The following TMEM44 variants were observed in gnomAD, a reference collection of about 807,000 sequenced individuals.
The protein encoded by TMEM44 is transmembrane protein 44.
A neutral mutation model predicts 47.8 loss-of-function variants in TMEM44; 43 were observed. The ratio of observed to expected loss-of-function variants is 0.90; its 90% CI spans 0.70 to 1.16. The LOEUF (loss-of-function observed/expected upper bound fraction) is 1.16, where lower values mean the gene tolerates loss of function less well. TMEM44 is among the 50% of genes most tolerant of loss of function. TMEM44 has a pLI of 0.00. For missense variants in TMEM44, 568 were observed against 555.2 expected (o/e 1.02, Z -0.23); for synonymous variants, 277 against 238.8 (o/e 1.16, Z -1.48).
chr3:194,621,578 G>C (rs1716538703), intron 5 of TMEM44, among the ~76,000 whole-genome samples: 1 of 152,144 alleles, frequency 6.6e-6, no homozygotes, highest in Non-Finnish European at 1.5e-5. Context: ...TGCTGATGAG[G>C]CCCAGGCCCT....
Position 194,623,226 on chromosome 3 carries a change from T to TTG in TMEM44, c.609_610insCA (p.Ile204GlnfsTer48), listed in dbSNP as rs1716759655. On this transcript the variant is annotated frameshift_variant, in exon 5 of 10. Transcript: ENST00000347147. LOFTEE classifies it high-confidence loss of function. ...CCCATCCCCACCCCCGGCCTCACAA[T>TTG]TCTGGAGAGAGGGGGGATCCGAGAA... 2 of 1,607,116 alleles carry TTG rather than the reference T, an allele frequency of 1.2e-6. No homozygotes were observed. Among genetic ancestry groups the TTG allele is most frequent in the South Asian group, 2.2e-5 (2 of 89,718 alleles).
At position 194,602,578 on chromosome 3, in the gene TMEM44, G is replaced by A. The variant is rs186864225; in HGVS notation, c.1176+1709C>T. ...GATCGCGTCACTGCACTCCAGCCTG[G>A]GTGACAGAGCGAGAACTCCTTCTCA... is the stretch of plus-strand genomic sequence containing the variant. On this transcript the variant is annotated intron_variant, in intron 9 of 9. Transcript: ENST00000347147. 5.9e-3 allele frequency among the ~76,000 whole-genome samples: 891 copies of A among 150,794 alleles called. 31 individuals are homozygous for A. The highest frequency in any genetic ancestry group is 0.051 in the Admixed American group (772 of 15,142).
chr3:194,632,949 T>G, intron 1 of TMEM44, 130 bp downstream of exon 1: 5 of 1,286,344 alleles, frequency 3.9e-6, no homozygotes, highest in East Asian at 2.9e-5. Flanking sequence ...CAATGTTCCA[T>G]TGGATCCTAT....
At chr3:194,610,448 T>C (rs902002590) in intron 8 of TMEM44, among the ~76,000 whole-genome samples, 1 of 152,104 alleles carries the variant, frequency 6.6e-6, no homozygotes, top group African/African-American at 2.4e-5. Flanking sequence ...TTCCCTTTCA[T>C]AAAGGAAATT....
chr3:194,628,428 CAG>C lies in TMEM44; in HGVS notation c.217_218del (p.Leu73ValfsTer2). On this transcript the variant is annotated frameshift_variant, in exon 2 of 10. Transcript: ENST00000347147. LOFTEE classifies it high-confidence loss of function. ...CCAGAAGAGCCCCGACGGTGTCACA[CAG>C]ACTGGTCAGGAGGCAGCACGCAGCA... ...LCAACCLLTS[L>X]CDTVGALLAR... The C allele has an allele frequency of 6.2e-7, 1 of 1,613,154 alleles. No individual in the cohort carries two copies. Among genetic ancestry groups the C allele is most frequent in the South Asian group, 1.1e-5 (1 of 90,828 alleles).
chr3:194,595,131 T>G lies in TMEM44; in HGVS notation c.1177-6492A>C, dbSNP rs184380243. ...CTTAGAAGAAGGCCTCTACAAAGATTAAATATGCCTCTGAAACATGTATGT... is the reference window on the plus strand; with the variant it reads ...CTTAGAAGAAGGCCTCTACAAAGATGAAATATGCCTCTGAAACATGTATGT... On this transcript the variant is annotated intron_variant, in intron 9 of 9. Coordinates refer to ENST00000347147, the MANE Select transcript of TMEM44 (RefSeq NM_001011655.3). Among the ~76,000 whole-genome samples, 396 of 152,298 alleles carry G rather than the reference T, an allele frequency of 2.6e-3. 2 individuals are homozygous for G. Among genetic ancestry groups the G allele is most frequent in the Non-Finnish European group, 3.4e-3 (229 of 68,020 alleles).
chr3:194,610,960 C>G lies in TMEM44; in HGVS notation c.973G>C (p.Ala325Pro), dbSNP rs1466196743. 6.2e-7 allele frequency: 1 copy of G among 1,613,936 alleles called. No homozygotes were observed. Among genetic ancestry groups the G allele is most frequent in the Non-Finnish European group, 8.5e-7 (1 of 1,180,010 alleles). Residue 325 changes from alanine (A) to proline (P), a missense_variant, in exon 8 of 10, where the codon GCA (alanine) becomes CCA (proline). Coordinates refer to ENST00000347147, the MANE Select transcript of TMEM44 (RefSeq NM_001011655.3). The part of the protein sequence containing the change: ...SHCKSLRTMT[A>P]ISRYMELTIE... ...GTCAGCTCCATGTAGCGACTGATTG[C>G]TGTCATTGTCCTCAGTGACTTGCAG...
intron 9 of TMEM44, among the ~76,000 whole-genome samples, chr3:194,603,777 T>C (rs1312166878): frequency 6.6e-6 from 1 of 152,184 alleles, no homozygotes; most frequent in Non-Finnish European, 1.5e-5. Flanking sequence ...CAATATGCAG[T>C]GTCCCTGCGA....
intron 1 of TMEM44, among the ~76,000 whole-genome samples, chr3:194,632,359 GTCCTT>G (rs753826907): frequency 4.8e-4 from 73 of 152,186 alleles, no homozygotes; most frequent in Non-Finnish European, 9.7e-4. Context: ...AGGGGTGCTG[GTCCTT>G]TCTCCCCTGC....
chr3:194,615,175 G>A (rs1715742290), intron 7 of TMEM44, among the ~76,000 whole-genome samples: 1 of 152,092 alleles, frequency 6.6e-6, no homozygotes. Context: ...CTGGGAGGCG[G>A]AGGTTGCAGT....
At chr3:194,618,657 T>G (rs567668009) in intron 5 of TMEM44, among the ~76,000 whole-genome samples, 1 of 151,384 alleles carries the variant, frequency 6.6e-6, no homozygotes, top group African/African-American at 2.4e-5. Context: ...ACTCATTAGA[T>G]GACTCATTAA....
At chr3:194,620,078 G>A (rs1246162818) in intron 5 of TMEM44, among the ~76,000 whole-genome samples, 2 of 152,082 alleles carry the variant, frequency 1.3e-5, no homozygotes, top group Non-Finnish European at 2.9e-5. Context: ...ATCACCGAAT[G>A]TCAGGAGTTC....
Position 194,615,656 on chromosome 3 carries a change from C to T in TMEM44, c.825G>A (p.Gln275=). Residue 275 remains glutamine, a synonymous_variant, in exon 7 of 10, where the codon CAG becomes CAA. Coordinates refer to ENST00000347147, the MANE Select transcript of TMEM44 (RefSeq NM_001011655.3). ...LSCVMKSKMR[Q]ALGFAKEARE... ...TGGCTTCCTTGGCAAATCCTAAGGC[C>T]TGTCTCATCTTGCTCTTCATCACAC... 1 of 1,614,116 alleles carries T rather than the reference C, an allele frequency of 6.2e-7. No homozygotes were observed. The highest frequency in any genetic ancestry group is 1.1e-5 in the South Asian group (1 of 91,090).
Position 194,623,212 on chromosome 3 carries a change from C to A in TMEM44, c.612+12G>T. ...ATGTGACCCACAGTCCCATCCCCAC[C>A]CCCGGCCTCACAATTCTGGAGAGAG... is the stretch of plus-strand genomic sequence containing the variant. On this transcript the variant is annotated intron_variant, in intron 5 of 9. Transcript: ENST00000347147. 1 of 1,599,616 alleles carries A rather than the reference C, an allele frequency of 6.3e-7. No homozygotes were observed. The highest frequency in any genetic ancestry group is 8.5e-7 in the Non-Finnish European group (1 of 1,172,680).
chr3:194,622,982 G>T, intron 5 of TMEM44: 2 of 435,572 alleles, frequency 4.6e-6, no homozygotes, highest in South Asian at 6.1e-5. Context: ...AAATGGGGAA[G>T]AACACACGGG....
chr3:194,630,682 C>T (rs1348547458), intron 1 of TMEM44, among the ~76,000 whole-genome samples: 2 of 137,072 alleles, frequency 1.5e-5, no homozygotes, highest in East Asian at 2.2e-4. Context: ...CTGTTTCCAT[C>T]GGCGTCACTG....
At chr3:194,608,615 G>A (rs1715002110) in intron 8 of TMEM44, among the ~76,000 whole-genome samples, 1 of 152,200 alleles carries the variant, frequency 6.6e-6, no homozygotes, top group South Asian at 2.1e-4. Context: ...CATTTACGTT[G>A]AAGCTGGAAA....
intron 4 of TMEM44, 87 bp from the exon 5 acceptor site, chr3:194,623,397 T>C (rs1716790827): frequency 6.6e-7 from 1 of 1,514,388 alleles, no homozygotes; most frequent in Non-Finnish European, 8.9e-7. Context: ...CAGGAGTCCT[T>C]TTCTGCTTTT....
Position 194,623,657 on chromosome 3 carries a change from T to C in TMEM44, c.397A>G (p.Arg133Gly). 1 of 1,613,264 alleles carries C rather than the reference T, an allele frequency of 6.2e-7. No homozygotes were observed. Among genetic ancestry groups the C allele is most frequent in the Non-Finnish European group, 8.5e-7 (1 of 1,179,928 alleles). Residue 133 changes from arginine (R) to glycine (G), a missense_variant, in exon 4 of 10, where the codon AGG (arginine) becomes GGG (glycine). Physicochemically the swap from Arg to Gly is moderately radical, Grantham distance 125 (BLOSUM62 -2). Coordinates refer to ENST00000347147, the MANE Select transcript of TMEM44 (RefSeq NM_001011655.3). ...ARERKRRRQLRASVFALALPL... is the reference protein window; with the variant it reads ...ARERKRRRQLGASVFALALPL... The stretch of plus-strand genomic sequence containing the variant: ...AGGGCCAGGGCAAACACACTGGCCC[T>C]GAGCTGCCGCCTCCTCTTCCTCTCT...
Sources: allele counts gnomAD v4.1 joint callset (sites outside exome capture counted in the v4.1 genomes callset), GRCh38; gene constraint gnomAD v4.1.1; transcripts MANE v1.5; gene names NCBI Gene and HGNC (gene_info 2026-07-23, HGNC 2026-07-21).